EML4: variants seen among roughly 807,000 people sequenced by gnomAD.
EML4 encodes echinoderm microtubule-associated protein-like 4.
In EML4, 72 loss-of-function variants were observed where a neutral mutation model predicts 129.0. The ratio of observed to expected loss-of-function variants is 0.56; its 90% CI spans 0.46 to 0.68. EML4 has a LOEUF of 0.68. Among genes scored for constraint, EML4 ranks in the 30% least tolerant of loss-of-function variants. EML4 has a pLI of 0.00. For synonymous variants in EML4, 532 were observed against 405.0 expected (o/e 1.31, Z -3.77); for missense variants, 1,363 against 1,190.6 (o/e 1.14, Z -2.13).
intron 17 of EML4, among the ~76,000 whole-genome samples, chr2:42,311,074 G>T (rs1028326989): frequency 5.9e-5 from 9 of 152,084 alleles, no homozygotes; most frequent in African/African-American, 1.4e-4. Flanking sequence ...GGGTTTTTTG[G>T]TTTCTTTTTT....
chr2:42,273,848 A>T (rs1280597303), intron 6 of EML4, among the ~76,000 whole-genome samples: 1 of 152,166 alleles, frequency 6.6e-6, no homozygotes, highest in African/African-American at 2.4e-5. Context: ...CTATTTTTAC[A>T]GCTAGATCAT....
intron 17 of EML4, among the ~76,000 whole-genome samples, chr2:42,314,738 G>C (rs1669141759): frequency 6.6e-6 from 1 of 152,178 alleles, no homozygotes; most frequent in Non-Finnish European, 1.5e-5. Context: ...CTTCCAACCA[G>C]CTGTGCATGC....
chr2:42,325,994 T>C (rs973853902), intron 20 of EML4, 160 bp from the exon 21 acceptor site: 2 of 706,668 alleles, frequency 2.8e-6, no homozygotes, highest in Non-Finnish European at 3.5e-6. Context: ...ATAAACCCTG[T>C]TAAAGTGAAC....
At chr2:42,226,716 G>A (rs1673987490) in intron 1 of EML4, among the ~76,000 whole-genome samples, 1 of 151,956 alleles carries the variant, frequency 6.6e-6, no homozygotes, top group Admixed American at 6.6e-5. Context: ...AAATTGCTAA[G>A]AGAGTAGATT....
intron 1 of EML4, among the ~76,000 whole-genome samples, chr2:42,221,058 C>G (rs1286576289): frequency 6.6e-6 from 1 of 152,084 alleles, no homozygotes; most frequent in African/African-American, 2.4e-5. Context: ...GCAGCAGGTT[C>G]TGAAGTGGAA....
intron 1 of EML4, among the ~76,000 whole-genome samples, chr2:42,238,733 G>A (rs556791834): frequency 1.3e-5 from 2 of 152,050 alleles, no homozygotes; most frequent in South Asian, 4.2e-4. Context: ...TACTGCCTCA[G>A]CCCCTGAATT....
intron 21 of EML4, among the ~76,000 whole-genome samples, chr2:42,327,130 A>C (rs6753807): frequency 0.27 from 40,778 of 152,110 alleles, 6,079 homozygotes; most frequent in East Asian, 0.57. Flanking sequence ...TCTGTGATTT[A>C]GCATAACGTT....
At chr2:42,249,874 G>A (rs1675650842) in intron 2 of EML4, among the ~76,000 whole-genome samples, 1 of 151,972 alleles carries the variant, frequency 6.6e-6, no homozygotes, top group East Asian at 1.9e-4. Context: ...CTTTCCTTTT[G>A]ACGGCATGTG....
At chr2:42,189,997 C>G (rs1234179692) in intron 1 of EML4, among the ~76,000 whole-genome samples, 1 of 151,130 alleles carries the variant, frequency 6.6e-6, no homozygotes, top group Non-Finnish European at 1.5e-5. Context: ...CAAAATTGGG[C>G]TCTTTTTTTT....
At chr2:42,210,350 T>G (rs985543945) in intron 1 of EML4, among the ~76,000 whole-genome samples, 1 of 152,204 alleles carries the variant, frequency 6.6e-6, no homozygotes, top group African/African-American at 2.4e-5. Flanking sequence ...GTCTGATGTT[T>G]TGGGGAGGAA....
At chr2:42,205,336 A>C (rs1672479886) in intron 1 of EML4, among the ~76,000 whole-genome samples, 1 of 152,256 alleles carries the variant, frequency 6.6e-6, no homozygotes, top group Non-Finnish European at 1.5e-5. Flanking sequence ...AACACTAATC[A>C]AATAATCTGT....
At chr2:42,233,723 T>C (rs181139484) in intron 1 of EML4, among the ~76,000 whole-genome samples, 369 of 152,372 alleles carry the variant, frequency 2.4e-3, no homozygotes, top group Non-Finnish European at 3.6e-3. Context: ...GCAAAATGTT[T>C]ATAATGAATC....
chr2:42,243,194 C>A (rs181962050), intron 1 of EML4, among the ~76,000 whole-genome samples: 1 of 152,034 alleles, frequency 6.6e-6, no homozygotes, highest in East Asian at 1.9e-4. Flanking sequence ...TCTACTAGGA[C>A]CAAGAAATAT....
intron 1 of EML4, among the ~76,000 whole-genome samples, chr2:42,234,460 A>G (rs547882512): frequency 6.6e-6 from 1 of 152,320 alleles, no homozygotes; most frequent in East Asian, 1.9e-4. Flanking sequence ...ATTTCTGACC[A>G]GGTAAACTAT....
intron 2 of EML4, among the ~76,000 whole-genome samples, chr2:42,252,595 C>T (rs1675850497): frequency 6.6e-6 from 1 of 152,144 alleles, no homozygotes; most frequent in East Asian, 1.9e-4. Flanking sequence ...TGTGAACTAT[C>T]CCCTCTTTTG....
chr2:42,264,829 C>A, intron 6 of EML4, 98 bp downstream of exon 6: 1 of 1,410,226 alleles, frequency 7.1e-7, no homozygotes. Context: ...TTTATCAGTT[C>A]ATAGTAATCA....
At chr2:42,268,057 T>G (rs879865958) in intron 6 of EML4, among the ~76,000 whole-genome samples, 4 of 152,132 alleles carry the variant, frequency 2.6e-5, no homozygotes, top group Non-Finnish European at 5.9e-5. Context: ...ATTTGACAAA[T>G]TTTCTAATAA....
intron 1 of EML4, among the ~76,000 whole-genome samples, chr2:42,223,556 G>C (rs143412673): frequency 6.6e-6 from 1 of 152,028 alleles, no homozygotes; most frequent in Non-Finnish European, 1.5e-5. Context: ...TTTTACTGTA[G>C]CAGGTCATCT....
rs191538974 is a variant in EML4 at position 42,284,211 on chromosome 2, T to C, written c.942-423T>C. Among the ~76,000 whole-genome samples the C allele has an allele frequency of 5.3e-5, 8 of 152,190 alleles. No individual in the cohort carries two copies. The East Asian group carries it at 1.5e-3, about 29-fold the overall frequency. On this transcript the variant is annotated intron_variant, in intron 8 of 22. Coordinates refer to ENST00000318522, the MANE Select transcript of EML4 (RefSeq NM_019063.5). ...AGAAATGGCCTAAAAGATGGAAGAG[T>C]TGTCAAGTCAGCATGTATGAGGATT...
Sources: gnomAD v4.1 joint callset for allele counts (sites outside exome capture counted in the v4.1 genomes callset) on GRCh38, gnomAD v4.1.1 for gene constraint, MANE v1.5 for transcripts, NCBI Gene and HGNC (gene_info 2026-07-23, HGNC 2026-07-21) for gene names.